The following SLCO1B1 variants were observed in gnomAD, a reference collection of about 807,000 sequenced individuals.
The protein encoded by SLCO1B1 is OATP-2.
A neutral mutation model predicts 70.1 loss-of-function variants in SLCO1B1; 81 were observed. The ratio of observed to expected loss-of-function variants is 1.16; its 90% CI spans 0.97 to 1.39. SLCO1B1 has a LOEUF of 1.39. Among genes scored for constraint, SLCO1B1 ranks in the 40% most tolerant of loss-of-function variants. SLCO1B1 has a pLI of 0.00. For synonymous variants in SLCO1B1, 283 were observed against 271.5 expected, an observed-to-expected ratio of 1.04 and a Z score of -0.42; for missense variants, 895 against 799.6, an observed-to-expected ratio of 1.12 and a Z score of -1.44.
chr12:21,161,311 CTATGGAA>C (rs1940616230), intron 2 of SLCO1B1, among the ~76,000 whole-genome samples: 1 of 152,102 alleles, frequency 6.6e-6, no homozygotes, highest in Non-Finnish European at 1.5e-5. Flanking sequence ...GTGGTACATA[CTATGGAA>C]TACTATGCAG....
intron 7 of SLCO1B1, among the ~76,000 whole-genome samples, chr12:21,187,468 A>G (rs552358310): frequency 6.6e-6 from 1 of 152,052 alleles, no homozygotes; most frequent in Non-Finnish European, 1.5e-5. Flanking sequence ...TCAACATCAA[A>G]GGCATTGTAG....
chr12:21,173,526 C>T (rs559234704), intron 3 of SLCO1B1, among the ~76,000 whole-genome samples: 2 of 151,968 alleles, frequency 1.3e-5, no homozygotes, highest in Non-Finnish European at 1.5e-5. Flanking sequence ...ATATTTACAA[C>T]AGCACTTTAT....
intron 7 of SLCO1B1, among the ~76,000 whole-genome samples, chr12:21,189,719 A>G (rs967328675): frequency 1.5e-4 from 23 of 152,148 alleles, no homozygotes; most frequent in Admixed American, 5.9e-4. Flanking sequence ...AAGTGCTGGG[A>G]TTACAGGTTA....
intron 11 of SLCO1B1, among the ~76,000 whole-genome samples, chr12:21,210,826 T>C (rs181114642): frequency 1.3e-5 from 2 of 151,936 alleles, no homozygotes; most frequent in East Asian, 3.9e-4. Flanking sequence ...AAAGCAATTG[T>C]GAATGGGAGT....
intron 14 of SLCO1B1, among the ~76,000 whole-genome samples, chr12:21,236,206 C>T (rs529928010): frequency 4.4e-4 from 67 of 152,244 alleles, no homozygotes; most frequent in African/African-American, 1.4e-3. Flanking sequence ...CCCATGTTCT[C>T]TTTGTCCCAG....
At chr12:21,140,357 AT>A (rs1940291602) in intron 1 of SLCO1B1, among the ~76,000 whole-genome samples, 1 of 152,068 alleles carries the variant, frequency 6.6e-6, no homozygotes, top group South Asian at 2.1e-4. Context: ...GCAAGAATGT[AT>A]TTCTAAAACT....
chr12:21,175,916 A>C (rs895243325), intron 4 of SLCO1B1, among the ~76,000 whole-genome samples: 9 of 152,106 alleles, frequency 5.9e-5, no homozygotes, highest in African/African-American at 2.2e-4. Flanking sequence ...CATTGCTCTA[A>C]ATATGCCATA....
intron 14 of SLCO1B1, among the ~76,000 whole-genome samples, chr12:21,234,792 T>A (rs1339031099): frequency 6.6e-6 from 1 of 152,200 alleles, no homozygotes; most frequent in East Asian, 1.9e-4. Context: ...CTAATTTTGT[T>A]ATTTACCCAA....
At chr12:21,218,207 A>G (rs1193022869) in intron 12 of SLCO1B1, among the ~76,000 whole-genome samples, 3 of 152,218 alleles carry the variant, frequency 2.0e-5, no homozygotes, top group African/African-American at 7.2e-5. Context: ...AGAAGCTGGC[A>G]GATTGAAACA....
chr12:21,193,483 G>C (rs1397777295), intron 7 of SLCO1B1, among the ~76,000 whole-genome samples: 1 of 151,932 alleles, frequency 6.6e-6, no homozygotes, highest in East Asian at 1.9e-4. Context: ...TATAGCTTTT[G>C]GGTCTTTGAG....
chr12:21,146,151 CTATT>C (rs1218911063), intron 2 of SLCO1B1, among the ~76,000 whole-genome samples: 4 of 151,986 alleles, frequency 2.6e-5, no homozygotes, highest in African/African-American at 9.7e-5. Context: ...TTAATATTGT[CTATT>C]TATTCTTGTA....
intron 3 of SLCO1B1, among the ~76,000 whole-genome samples, chr12:21,173,750 A>G (rs1331104816): frequency 6.8e-6 from 1 of 147,008 alleles, no homozygotes; most frequent in East Asian, 2.0e-4. Flanking sequence ...GAGGCTCCAG[A>G]TGGATTAGAA....
chr12:21,222,397 A>AAATAT (rs1555097342), intron 13 of SLCO1B1, 33 bp downstream of exon 13: 19 of 97,730 alleles, frequency 1.9e-4, no homozygotes, highest in East Asian at 1.1e-3. Flanking sequence ...AAAAAAAAAA[A>AAATAT]ATATATATAT....
intron 14 of SLCO1B1, among the ~76,000 whole-genome samples, chr12:21,229,741 T>C (rs1337754007): frequency 6.6e-6 from 1 of 152,338 alleles, no homozygotes; most frequent in African/African-American, 2.4e-5. Flanking sequence ...CAATAATTGC[T>C]TATTAGTTCC....
intron 7 of SLCO1B1, among the ~76,000 whole-genome samples, chr12:21,185,902 T>C (rs1419238996): frequency 6.6e-6 from 1 of 151,914 alleles, no homozygotes; most frequent in African/African-American, 2.4e-5. Context: ...ACAACTCCCA[T>C]AGAAATGCAT....
At chr12:21,203,308 T>A (rs1164505300) in intron 10 of SLCO1B1, among the ~76,000 whole-genome samples, 1 of 152,118 alleles carries the variant, frequency 6.6e-6, no homozygotes, top group Non-Finnish European at 1.5e-5. Context: ...CATTGAAGAA[T>A]CTTTACTTTT....
Position 21,197,173 on chromosome 12 carries a change from AC to A in SLCO1B1, c.957del (p.Asn321MetfsTer2), listed in dbSNP as rs770209422. On this transcript the variant is annotated frameshift_variant, in exon 8 of 15. Transcript: ENST00000256958. LOFTEE classifies it high-confidence loss of function. Reference protein sequence around the residue: ...ANLTNQGKNITKNVTGFFQSF... With the variant: ...ANLTNQGKNIXKNVTGFFQSF... Reference sequence around the variant, plus strand: ...TTTGACCAATCAAGGAAAAAATATTACCAAAAATGTGACTGGTAAGTATTTA... The same window carrying A: ...TTTGACCAATCAAGGAAAAAATATTACAAAAATGTGACTGGTAAGTATTTA... 1 of 1,613,246 alleles carries A rather than the reference AC, an allele frequency of 6.2e-7. No individual in the cohort carries two copies. Among genetic ancestry groups the A allele is most frequent in the Admixed American group, 1.7e-5 (1 of 59,974 alleles).
At chr12:21,174,813 G>T (rs2121101434) in intron 4 of SLCO1B1, 104 bp downstream of exon 4, 1 of 1,101,258 alleles carries the variant, frequency 9.1e-7, no homozygotes, top group Non-Finnish European at 1.3e-6. Context: ...TACCTTTTGA[G>T]AAGATACCCA....
At chr12:21,188,741 A>G (rs1171615842) in intron 7 of SLCO1B1, among the ~76,000 whole-genome samples, 1 of 152,008 alleles carries the variant, frequency 6.6e-6, no homozygotes, top group East Asian at 1.9e-4. Flanking sequence ...GCATAACTGA[A>G]ACTTTATACC....
Sources: gnomAD v4.1 joint callset for allele counts (sites outside exome capture counted in the v4.1 genomes callset) on GRCh38, gnomAD v4.1.1 for gene constraint, MANE v1.5 for transcripts, NCBI Gene and HGNC (gene_info 2026-07-23, HGNC 2026-07-21) for gene names.